Variants in PDGFC observed in about 807,000 individuals in gnomAD.
PDGFC encodes platelet-derived growth factor C.
A neutral mutation model predicts 35.5 loss-of-function variants in PDGFC; 12 were observed. The ratio of observed to expected loss-of-function variants is 0.34; its 90% CI spans 0.22 to 0.55. The LOEUF (loss-of-function observed/expected upper bound fraction) is 0.55, where lower values mean the gene tolerates loss of function less well. Among genes scored for constraint, PDGFC ranks in the 20% least tolerant of loss-of-function variants. PDGFC has a pLI of 0.91. For missense variants in PDGFC, 322 were observed against 412.4 expected (o/e 0.78, Z 1.90); for synonymous variants, 159 against 148.8 (o/e 1.07, Z -0.50).
At chr4:156,774,661 T>TC (rs1379705801) in intron 3 of PDGFC, among the ~76,000 whole-genome samples, 2 of 151,352 alleles carry the variant, frequency 1.3e-5, no homozygotes, top group African/African-American at 4.9e-5. Flanking sequence ...CCTTTTTTTT[T>TC]TTTTTTTTTT....
rs75274046 is a variant in PDGFC at position 156,766,866 on chromosome 4, G to A, written c.921+907C>T. On this transcript the variant is annotated intron_variant, in intron 5 of 5. Coordinates refer to ENST00000502773, the MANE Select transcript of PDGFC (RefSeq NM_016205.3). ...GGACCCTGTTTCCATTCTAGAGCTC[G>A]GCTTTCACTTCATTAAGGATTTCAC... Among the ~76,000 whole-genome samples the A allele has an allele frequency of 1.9e-3, 294 of 151,996 alleles. 2 individuals are homozygous for A. The highest frequency in any genetic ancestry group is 6.6e-3 in the African/African-American group (275 of 41,476).
rs192184807 is a variant in PDGFC, at chr4:156,894,857, T to C, written c.119-44441A>G. Among the ~76,000 whole-genome samples, 193 of 152,306 alleles carry C rather than the reference T, an allele frequency of 1.3e-3. 1 individual carries two copies. Among genetic ancestry groups the C allele is most frequent in the Admixed American group, 0.012 (177 of 15,288 alleles). On this transcript the variant is annotated intron_variant, in intron 1 of 5. Transcript: ENST00000502773. ...TTAGGTTCCATCAATTTTTTGTAGATTTGGATCCATTCCCACATTCTTTGA... is the reference window on the plus strand; with the variant it reads ...TTAGGTTCCATCAATTTTTTGTAGACTTGGATCCATTCCCACATTCTTTGA...
chr4:156,924,172 G>A (rs892527944), intron 1 of PDGFC, among the ~76,000 whole-genome samples: 15 of 152,162 alleles, frequency 9.9e-5, no homozygotes, highest in South Asian at 2.1e-4. Flanking sequence ...TCTGCAAAGC[G>A]CTCCATATAA....
chr4:156,795,777 T>C (rs958199818), intron 3 of PDGFC, among the ~76,000 whole-genome samples: 8 of 152,194 alleles, frequency 5.3e-5, no homozygotes, highest in Admixed American at 1.3e-4. Flanking sequence ...GGAACCAAAT[T>C]ACATAAATTT....
intron 2 of PDGFC, among the ~76,000 whole-genome samples, chr4:156,836,598 T>G (rs1729069238): frequency 6.6e-6 from 1 of 152,172 alleles, no homozygotes; most frequent in African/African-American, 2.4e-5. Context: ...AAACACTGAC[T>G]AGGATATAAT....
At chr4:156,897,592 G>A (rs1054722919) in intron 1 of PDGFC, among the ~76,000 whole-genome samples, 12 of 152,168 alleles carry the variant, frequency 7.9e-5, no homozygotes, top group Non-Finnish European at 1.6e-4. Flanking sequence ...AAAATGAATT[G>A]AAGTAGGAGA....
intron 3 of PDGFC, among the ~76,000 whole-genome samples, chr4:156,795,942 T>G (rs981157786): frequency 6.6e-6 from 1 of 152,206 alleles, no homozygotes; most frequent in Non-Finnish European, 1.5e-5. Context: ...ATCTCTGTCG[T>G]GGAGGCAGCA....
chr4:156,853,700 G>C (rs899741769), intron 1 of PDGFC, among the ~76,000 whole-genome samples: 18 of 152,152 alleles, frequency 1.2e-4, no homozygotes, highest in African/African-American at 4.3e-4. Flanking sequence ...TGTGGCTCCT[G>C]TCTGTAATCC....
intron 3 of PDGFC, among the ~76,000 whole-genome samples, chr4:156,785,687 A>T (rs992165311): frequency 6.6e-6 from 1 of 152,192 alleles, no homozygotes; most frequent in Non-Finnish European, 1.5e-5. Flanking sequence ...TGTAACATTC[A>T]TGCAGTTACA....
At chr4:156,813,971 A>C (rs1218369406) in intron 2 of PDGFC, among the ~76,000 whole-genome samples, 1 of 151,998 alleles carries the variant, frequency 6.6e-6, no homozygotes, top group Admixed American at 6.6e-5. Context: ...GAGCACCTAC[A>C]CCCCAGGCAC....
chr4:156,922,191 T>C (rs867734479), intron 1 of PDGFC, among the ~76,000 whole-genome samples: 35 of 149,218 alleles, frequency 2.3e-4, no homozygotes, highest in Admixed American at 5.3e-4. Context: ...TGTGTGTGTG[T>C]GCATCTGTGT....
intron 1 of PDGFC, among the ~76,000 whole-genome samples, chr4:156,891,464 C>T (rs1730508401): frequency 6.6e-6 from 1 of 152,060 alleles, no homozygotes; most frequent in African/African-American, 2.4e-5. Flanking sequence ...ATTTAATTTA[C>T]AAAGTGTTTC....
At chr4:156,928,599 T>C (rs1399107505) in intron 1 of PDGFC, among the ~76,000 whole-genome samples, 1 of 152,182 alleles carries the variant, frequency 6.6e-6, no homozygotes, top group South Asian at 2.1e-4. Flanking sequence ...GACTGGAAGA[T>C]GCATAGATTG....
intron 1 of PDGFC, among the ~76,000 whole-genome samples, chr4:156,885,792 G>A (rs1039285304): frequency 3.9e-5 from 6 of 152,052 alleles, no homozygotes; most frequent in African/African-American, 1.4e-4. Context: ...GGCTGAGGTG[G>A]GAGAACTGTC....
At chr4:156,907,329 C>T (rs1356520819) in intron 1 of PDGFC, among the ~76,000 whole-genome samples, 3 of 152,014 alleles carry the variant, frequency 2.0e-5, no homozygotes, top group South Asian at 4.1e-4. Flanking sequence ...CACACATTTG[C>T]TAACAAATGA....
chr4:156,852,670 T>C (rs1055560339), intron 1 of PDGFC, among the ~76,000 whole-genome samples: 2 of 152,214 alleles, frequency 1.3e-5, no homozygotes, highest in Non-Finnish European at 2.9e-5. Flanking sequence ...TTAGTTGACT[T>C]TGAGTTAATC....
intron 1 of PDGFC, among the ~76,000 whole-genome samples, chr4:156,920,069 C>T (rs913249619): frequency 1.3e-5 from 2 of 152,126 alleles, no homozygotes; most frequent in African/African-American, 2.4e-5. Flanking sequence ...GCCTGCTCCC[C>T]CTTCTCCTTT....
At chr4:156,961,136 T>C (rs1447419025) in intron 1 of PDGFC, among the ~76,000 whole-genome samples, 1 of 152,128 alleles carries the variant, frequency 6.6e-6, no homozygotes, top group African/African-American at 2.4e-5. Flanking sequence ...AAATAAATTA[T>C]AAAGCTTTAA....
chr4:156,885,763 G>T (rs1371752758), intron 1 of PDGFC, among the ~76,000 whole-genome samples: 3 of 152,026 alleles, frequency 2.0e-5, no homozygotes, highest in African/African-American at 7.2e-5. Flanking sequence ...ATGGTGTTAT[G>T]TGCCTGTATT....
Sources: gnomAD v4.1 joint callset for allele counts (sites outside exome capture counted in the v4.1 genomes callset) on GRCh38, gnomAD v4.1.1 for gene constraint, MANE v1.5 for transcripts, NCBI Gene and HGNC (gene_info 2026-07-23, HGNC 2026-07-21) for gene names.